CEP112: variants seen among roughly 807,000 people sequenced by gnomAD.
CEP112 encodes centrosomal protein 112, also known as centrosomal protein of 112 kDa.
CEP112 carries 127 observed loss-of-function variants against 153.0 expected under a neutral mutation model. The ratio of observed to expected loss-of-function variants is 0.83; its 90% CI spans 0.72 to 0.96. The LOEUF is 0.96. Ranked by LOEUF, CEP112 falls within the 40% of genes least tolerant of loss-of-function variation. The pLI, the probability that CEP112 is intolerant of heterozygous loss-of-function variation, is 0.00. For synonymous variants in CEP112, 358 were observed against 374.4 expected, an observed-to-expected ratio of 0.96 and a Z score of 0.51; for missense variants, 1,089 against 1,101.2, an observed-to-expected ratio of 0.99 and a Z score of 0.16.
chr17:65,970,418 T>A (rs113095374), intron 17 of CEP112, among the ~76,000 whole-genome samples: 21 of 128,352 alleles, frequency 1.6e-4, no homozygotes, highest in African/African-American at 5.4e-4. Context: ...CATGCATGTA[T>A]ATTACATGCA....
At chr17:65,669,542 A>G (rs1020963392) in intron 24 of CEP112, among the ~76,000 whole-genome samples, 1 of 152,196 alleles carries the variant, frequency 6.6e-6, no homozygotes, top group Admixed American at 6.5e-5. Context: ...GAAAACAGAG[A>G]TTATTTACTG....
At chr17:65,899,411 T>C (rs1182233284) in intron 20 of CEP112, among the ~76,000 whole-genome samples, 1 of 152,158 alleles carries the variant, frequency 6.6e-6, no homozygotes, top group Non-Finnish European at 1.5e-5. Context: ...AATAATTACC[T>C]AACTGAACCA....
chr17:66,076,908 C>T (rs987508775), intron 8 of CEP112, among the ~76,000 whole-genome samples: 1 of 152,146 alleles, frequency 6.6e-6, no homozygotes, highest in Non-Finnish European at 1.5e-5. Context: ...AGTACCAGCC[C>T]GGAGCCAGGT....
intron 6 of CEP112, among the ~76,000 whole-genome samples, chr17:66,121,807 C>A (rs1365786947): frequency 1.3e-5 from 2 of 151,772 alleles, no homozygotes; most frequent in African/African-American, 2.4e-5. Flanking sequence ...GCCACTGTGC[C>A]CAGCTCTGGT....
intron 23 of CEP112, among the ~76,000 whole-genome samples, chr17:65,726,380 G>A (rs1444421620): frequency 1.3e-5 from 2 of 152,080 alleles, no homozygotes; most frequent in Non-Finnish European, 2.9e-5. Context: ...AGGACCTCAT[G>A]AAAGTGTAAG....
intron 23 of CEP112, among the ~76,000 whole-genome samples, chr17:65,716,922 T>C (rs760788748): frequency 6.6e-6 from 1 of 152,202 alleles, no homozygotes; most frequent in Non-Finnish European, 1.5e-5. Flanking sequence ...CTGGGAGTCA[T>C]GCTTTCCTGA....
At chr17:65,665,196 T>C (rs915919117) in intron 24 of CEP112, among the ~76,000 whole-genome samples, 1 of 152,192 alleles carries the variant, frequency 6.6e-6, no homozygotes, top group African/African-American at 2.4e-5. Context: ...CAGAGATTTT[T>C]TTCACCCCCA....
chr17:65,708,312 C>T (rs1020789467), intron 23 of CEP112, among the ~76,000 whole-genome samples: 11 of 152,282 alleles, frequency 7.2e-5, no homozygotes, highest in Middle Eastern at 3.4e-3. Context: ...TGATCTCCCA[C>T]TAAGGGATCA....
rs528236707 is a variant in CEP112 at position 65,863,995 on chromosome 17, A to G, written c.2164-11961T>C. 2.6e-5 allele frequency among the ~76,000 whole-genome samples: 4 copies of G among 151,438 alleles called. No individual in the cohort carries two copies. The South Asian group carries it at 8.4e-4, about 32-fold the overall frequency. ...CGTCTCTACTAAAAATACAAAAATTAGCTTGACAGGGGGCACGCACCTGTA... is the reference window on the plus strand; with the variant it reads ...CGTCTCTACTAAAAATACAAAAATTGGCTTGACAGGGGGCACGCACCTGTA... On this transcript the variant is annotated intron_variant, in intron 20 of 26. Transcript: ENST00000535342.
intron 18 of CEP112, among the ~76,000 whole-genome samples, chr17:65,941,938 C>T (rs564205183): frequency 1.8e-4 from 28 of 152,210 alleles, no homozygotes; most frequent in Non-Finnish European, 3.4e-4. Context: ...CAAGTGTGAG[C>T]CACCACACCT....
chr17:65,815,753 T>A (rs1418009806), intron 21 of CEP112, among the ~76,000 whole-genome samples: 5 of 152,146 alleles, frequency 3.3e-5, no homozygotes, highest in South Asian at 2.1e-4. Flanking sequence ...GATGATGTTG[T>A]AAATGGCTGA....
In CEP112 at chr17:66,073,823, A is replaced by G. The variant is rs114800644; in HGVS notation, c.769-3822T>C. Among the ~76,000 whole-genome samples the G allele has an allele frequency of 5.0e-3, 754 of 152,316 alleles. 4 individuals are homozygous for G. The highest frequency in any genetic ancestry group is 0.018 in the African/African-American group (728 of 41,564). On this transcript the variant is annotated intron_variant, in intron 8 of 26. Coordinates refer to ENST00000535342, the MANE Select transcript of CEP112 (RefSeq NM_001199165.4). ...AACTAGTAATTGAACAGCCTATAAG[A>G]ACAACAACAACAAAAAAATTCTATG...
At chr17:65,937,939 G>A (rs906248237) in intron 18 of CEP112, among the ~76,000 whole-genome samples, 8 of 124,082 alleles carry the variant, frequency 6.4e-5, no homozygotes, top group Non-Finnish European at 1.4e-4. Context: ...CATTGAGAAC[G>A]GGCCATGATG....
chr17:65,897,994 T>C (rs1332524442), intron 20 of CEP112, among the ~76,000 whole-genome samples: 1 of 152,140 alleles, frequency 6.6e-6, no homozygotes, highest in African/African-American at 2.4e-5. Context: ...TGCTGTGGCT[T>C]CCAGGCAAGC....
intron 24 of CEP112, among the ~76,000 whole-genome samples, chr17:65,679,619 T>C (rs774694926): frequency 6.6e-5 from 10 of 152,192 alleles, no homozygotes; most frequent in Non-Finnish European, 1.0e-4. Context: ...TTTTTAACAA[T>C]TGTCACAATT....
chr17:65,867,605 A>C (rs979228983), intron 20 of CEP112, among the ~76,000 whole-genome samples: 3 of 152,170 alleles, frequency 2.0e-5, no homozygotes, highest in Non-Finnish European at 4.4e-5. Context: ...TATCCTGTTA[A>C]GTAATTTTGA....
intron 8 of CEP112, among the ~76,000 whole-genome samples, chr17:66,094,563 G>A (rs2068264022): frequency 6.6e-6 from 1 of 152,020 alleles, no homozygotes; most frequent in African/African-American, 2.4e-5. Context: ...GAGAAATAGG[G>A]GAAAAGCTCC....
At chr17:65,964,739 TAGGCAGTGC>T (rs2062347345) in intron 17 of CEP112, among the ~76,000 whole-genome samples, 1 of 152,182 alleles carries the variant, frequency 6.6e-6, no homozygotes, top group Non-Finnish European at 1.5e-5. Context: ...GCACTGGGGT[TAGGCAGTGC>T]AATGACCGTT....
At chr17:65,693,467 AG>A (rs2048213778) in intron 23 of CEP112, among the ~76,000 whole-genome samples, 1 of 151,138 alleles carries the variant, frequency 6.6e-6, no homozygotes, top group African/African-American at 2.4e-5. Flanking sequence ...AAAAAAAAAA[AG>A]AGGATGCTGC....
Sources: gnomAD v4.1 joint callset for allele counts (sites outside exome capture counted in the v4.1 genomes callset) on GRCh38, gnomAD v4.1.1 for gene constraint, MANE v1.5 for transcripts, NCBI Gene and HGNC (gene_info 2026-07-23, HGNC 2026-07-21) for gene names.